IGSF5: variants seen among roughly 807,000 people sequenced by gnomAD.
IGSF5 encodes the protein immunoglobulin superfamily 5 like.
Under a neutral mutation model 39.4 loss-of-function variants are expected in IGSF5, and 41 were observed. The ratio of observed to expected loss-of-function variants is 1.04; its 90% CI spans 0.81 to 1.35. The LOEUF is 1.35. IGSF5 is among the 40% of genes most tolerant of loss of function. The probability of loss-of-function intolerance (pLI) is 0.00; values close to 1 mark genes in which losing one functional copy is unlikely to be tolerated. For synonymous variants in IGSF5, 183 were observed against 175.3 expected, an observed-to-expected ratio of 1.04 and a Z score of -0.34; for missense variants, 487 against 494.6, an observed-to-expected ratio of 0.98 and a Z score of 0.15.
At chr21:39,782,777 T>C (rs913481203) in intron 5 of IGSF5, among the ~76,000 whole-genome samples, 3 of 152,206 alleles carry the variant, frequency 2.0e-5, no homozygotes, top group Non-Finnish European at 4.4e-5. Flanking sequence ...CAGCACCTTA[T>C]AGTTAACCAT....
chr21:39,762,760 C>G (rs1077591), intron 2 of IGSF5, among the ~76,000 whole-genome samples: 122,316 of 151,570 alleles, frequency 0.81, 49,522 homozygotes, highest in Admixed American at 0.85. Flanking sequence ...AAAGCAGCCC[C>G]CACTATATAG....
intron 2 of IGSF5, among the ~76,000 whole-genome samples, chr21:39,750,635 T>TG (rs71950931): frequency 0.11 from 16,374 of 150,868 alleles, 2,883 homozygotes; most frequent in African/African-American, 0.37. Flanking sequence ...CACTTGAGGG[T>TG]GGGGGGTTGG....
the IGSF5 span, among the ~76,000 whole-genome samples, chr21:39,713,348 T>C: frequency 6.6e-6 from 1 of 152,238 alleles, no homozygotes; most frequent in African/African-American, 2.4e-5. Context: ...GGTCCTGACC[T>C]GAACCCAGGT....
At chr21:39,713,464 T>C in the IGSF5 span, among the ~76,000 whole-genome samples, 4 of 152,228 alleles carry the variant, frequency 2.6e-5, no homozygotes, top group Non-Finnish European at 5.9e-5. Context: ...GAGCTTGCTC[T>C]AGACCTAAGG....
At chr21:39,782,670 C>G (rs2080177472) in intron 5 of IGSF5, among the ~76,000 whole-genome samples, 1 of 152,092 alleles carries the variant, frequency 6.6e-6, no homozygotes, top group Non-Finnish European at 1.5e-5. Context: ...GTATAATGAT[C>G]AAATCAGGGT....
intron 8 of IGSF5, among the ~76,000 whole-genome samples, chr21:39,797,537 G>A (rs11910074): frequency 0.056 from 8,487 of 152,054 alleles, 762 homozygotes; most frequent in African/African-American, 0.19. Context: ...TTTTTTTTGA[G>A]ACATGGTCTT....
At chr21:39,730,926 C>T in the IGSF5 span, among the ~76,000 whole-genome samples, 1 of 152,280 alleles carries the variant, frequency 6.6e-6, no homozygotes, top group Non-Finnish European at 1.5e-5. Flanking sequence ...CAACAAAAGG[C>T]CCCAAAATGA....
intron 2 of IGSF5, among the ~76,000 whole-genome samples, chr21:39,748,799 G>A (rs2079988903): frequency 8.4e-6 from 1 of 118,846 alleles, no homozygotes; most frequent in Non-Finnish European, 1.8e-5. Context: ...TGGAGTGGTT[G>A]TGGTCAACTG....
chr21:39,759,376 G>A (rs1430508745), intron 2 of IGSF5, among the ~76,000 whole-genome samples: 1 of 152,170 alleles, frequency 6.6e-6, no homozygotes, highest in Admixed American at 6.5e-5. Flanking sequence ...TTTGTAGAAT[G>A]GAGAGGAAGA....
At chr21:39,783,709 A>G (rs553504737) in intron 5 of IGSF5, among the ~76,000 whole-genome samples, 33 of 152,272 alleles carry the variant, frequency 2.2e-4, no homozygotes, top group Admixed American at 1.1e-3. Context: ...GCTGTGCAGA[A>G]GCTTTTCAGT....
chr21:39,754,267 G>T (rs944596104), intron 2 of IGSF5, among the ~76,000 whole-genome samples: 5 of 152,186 alleles, frequency 3.3e-5, no homozygotes, highest in African/African-American at 1.2e-4. Context: ...CTGGGTATAA[G>T]ATTCTTGACT....
In IGSF5 at chr21:39,770,913, T is replaced by C. The variant is rs201673457; in HGVS notation, c.419-3T>C. 1.8e-4 allele frequency: 267 copies of C among 1,486,138 alleles called. No individual in the cohort carries two copies. The highest frequency in any genetic ancestry group is 2.3e-4 in the Non-Finnish European group (260 of 1,114,712). 92.1% of individuals were successfully genotyped at this position (1,486,138 alleles called of 1,614,324 possible). On this transcript the variant is annotated splice_region_variant and splice_polypyrimidine_tract_variant and intron_variant, in intron 3 of 8. Transcript: ENST00000380588. ...CAATGTGTTTCTCTCTTTTCTTCTT[T>C]AGTTATGGGAGAGCTGTTCATTCCC...
At chr21:39,722,063 A>G in the IGSF5 span, among the ~76,000 whole-genome samples, 5 of 152,206 alleles carry the variant, frequency 3.3e-5, no homozygotes. Context: ...GGAACTTTAC[A>G]CAAAATGGAT....
intron 2 of IGSF5, among the ~76,000 whole-genome samples, chr21:39,750,974 G>A (rs1006865309): frequency 1.2e-4 from 19 of 152,316 alleles, no homozygotes; most frequent in South Asian, 2.1e-4. Flanking sequence ...AGTGGAGGCC[G>A]GAGTGGAGAG....
upstream of IGSF5, among the ~76,000 whole-genome samples, chr21:39,742,619 T>C (rs1193437560): frequency 6.6e-6 from 1 of 152,210 alleles, no homozygotes; most frequent in Non-Finnish European, 1.5e-5. Context: ...ATAAGGGGCA[T>C]GGACAAGAGG....
chr21:39,783,371 C>T (rs1373044532), intron 5 of IGSF5, among the ~76,000 whole-genome samples: 1 of 152,208 alleles, frequency 6.6e-6, no homozygotes, highest in Admixed American at 6.5e-5. Flanking sequence ...TTCTCACCAG[C>T]ATTTTTATTT....
the IGSF5 span, chr21:39,722,543 C>A: frequency 3.9e-5 from 6 of 152,280 alleles, no homozygotes; most frequent in South Asian, 2.1e-4. Context: ...CCTCACCCAC[C>A]AATGCTATGT....
At chr21:39,764,917 C>T (rs2080078306) in intron 2 of IGSF5, among the ~76,000 whole-genome samples, 1 of 152,112 alleles carries the variant, frequency 6.6e-6, no homozygotes, top group African/African-American at 2.4e-5. Context: ...AGTTTGGGTC[C>T]CAGCCCCACT....
chr21:39,727,561 G>A, the IGSF5 span, among the ~76,000 whole-genome samples: 6 of 152,252 alleles, frequency 3.9e-5, no homozygotes, highest in Non-Finnish European at 7.3e-5. Flanking sequence ...CAGTGCTCAG[G>A]CAGGTCACCC....
Sources: allele counts gnomAD v4.1 joint callset (sites outside exome capture counted in the v4.1 genomes callset), GRCh38; gene constraint gnomAD v4.1.1; transcripts MANE v1.5; gene names NCBI Gene and HGNC (gene_info 2026-07-23, HGNC 2026-07-21).